Variants in TBC1D32 observed in about 807,000 individuals in gnomAD.
The protein encoded by TBC1D32 is protein broad-minded.
In TBC1D32, 151 loss-of-function variants were observed where a neutral mutation model predicts 170.3. The observed-to-expected ratio is 0.89, with a 90% CI of 0.78 to 1.01. TBC1D32 has a LOEUF of 1.01. Among genes scored for constraint, TBC1D32 ranks in the 50% least tolerant of loss-of-function variants. The pLI, the probability that TBC1D32 is intolerant of heterozygous loss-of-function variation, is 0.00. For synonymous variants in TBC1D32, 498 were observed against 488.0 expected, an observed-to-expected ratio of 1.02 and a Z score of -0.27; for missense variants, 1,464 against 1,457.1, an observed-to-expected ratio of 1.00 and a Z score of -0.08.
chr6:121,276,605 T>C (rs529869497), intron 15 of TBC1D32, among the ~76,000 whole-genome samples: 1 of 152,176 alleles, frequency 6.6e-6, no homozygotes, highest in East Asian at 1.9e-4. Flanking sequence ...TAAAAGACTA[T>C]CAAAGTAGAT....
At chr6:121,243,757 A>C (rs1437356221) in intron 17 of TBC1D32, among the ~76,000 whole-genome samples, 1 of 152,014 alleles carries the variant, frequency 6.6e-6, no homozygotes, top group Non-Finnish European at 1.5e-5. Flanking sequence ...TATATATAAA[A>C]GTCAACAAAA....
At chr6:121,319,546 A>G (rs769245963) in intron 2 of TBC1D32, among the ~76,000 whole-genome samples, 18 of 152,204 alleles carry the variant, frequency 1.2e-4, no homozygotes, top group Admixed American at 2.0e-4. Context: ...TGTGAACAAC[A>G]TAAAGTCCCT....
At chr6:121,329,132 T>C (rs558934270) in intron 1 of TBC1D32, among the ~76,000 whole-genome samples, 3 of 152,310 alleles carry the variant, frequency 2.0e-5, no homozygotes, top group Non-Finnish European at 2.9e-5. Flanking sequence ...ATTGAAAAAC[T>C]TTACCAAATT....
At chr6:121,084,867 C>A (rs1483647822) in intron 31 of TBC1D32, among the ~76,000 whole-genome samples, 1 of 152,090 alleles carries the variant, frequency 6.6e-6, no homozygotes, top group East Asian at 1.9e-4. Flanking sequence ...CTGATATATT[C>A]TTTCCCAAAT....
At chr6:121,087,982 G>A (rs1053927179) in intron 31 of TBC1D32, among the ~76,000 whole-genome samples, 1 of 145,712 alleles carries the variant, frequency 6.9e-6, no homozygotes, top group Admixed American at 6.9e-5. Context: ...ACAGGGTCTT[G>A]TTCTGTAGCC....
At chr6:121,133,422 T>C (rs1255086896) in intron 24 of TBC1D32, among the ~76,000 whole-genome samples, 2 of 152,010 alleles carry the variant, frequency 1.3e-5, no homozygotes, top group Non-Finnish European at 2.9e-5. Flanking sequence ...CCTCATGAAA[T>C]GCACATGTCA....
At chr6:121,144,973 T>C (rs1046510521) in intron 24 of TBC1D32, among the ~76,000 whole-genome samples, 14 of 152,324 alleles carry the variant, frequency 9.2e-5, no homozygotes, top group Non-Finnish European at 1.5e-4. Flanking sequence ...GTTTGAGTGA[T>C]ACTGCTAGGT....
chr6:121,331,362 C>T (rs1302765162), intron 1 of TBC1D32, among the ~76,000 whole-genome samples: 1 of 136,288 alleles, frequency 7.3e-6, no homozygotes, highest in East Asian at 2.3e-4. Flanking sequence ...GCACCCACTA[C>T]CATGCCCGGC....
chr6:121,265,357 C>T lies in TBC1D32; in HGVS notation c.1734-9072G>A, dbSNP rs140783846. ...ACCTAGGAATACAGCTAACAAGGGA[C>T]GTGAAGGAACTCTTCAAAGTGAACT... On this transcript the variant is annotated intron_variant, in intron 15 of 31. Transcript: ENST00000398212. Among the ~76,000 whole-genome samples, 1,350 of 152,060 alleles carry T rather than the reference C, an allele frequency of 8.9e-3. 24 individuals are homozygous for T. Among genetic ancestry groups the T allele is most frequent in the African/African-American group, 0.031 (1,276 of 41,502 alleles).
intron 30 of TBC1D32, 148 bp downstream of exon 30, chr6:121,105,875 A>C: frequency 1.1e-5 from 9 of 795,246 alleles, no homozygotes; most frequent in East Asian, 2.9e-5. Context: ...AACTTACATC[A>C]TAACAGGCCT....
intron 22 of TBC1D32, among the ~76,000 whole-genome samples, chr6:121,189,544 CTAAT>C (rs201234381): frequency 0.014 from 2,173 of 151,552 alleles, 14 homozygotes; most frequent in Middle Eastern, 0.035. Context: ...TGTAAATACA[CTAAT>C]TAAGGGCTTC....
chr6:121,323,652 G>A (rs552804045), intron 1 of TBC1D32, among the ~76,000 whole-genome samples: 2 of 152,132 alleles, frequency 1.3e-5, no homozygotes, highest in South Asian at 2.1e-4. Flanking sequence ...ATGAGAAAGC[G>A]ATAAACTGGC....
At chr6:121,102,932 C>G (rs1460475410) in intron 30 of TBC1D32, among the ~76,000 whole-genome samples, 4 of 152,086 alleles carry the variant, frequency 2.6e-5, no homozygotes, top group African/African-American at 9.7e-5. Flanking sequence ...AGGATATGAA[C>G]AGACACTTCT....
chr6:121,134,596 T>C (rs182051890), intron 24 of TBC1D32, among the ~76,000 whole-genome samples: 257 of 152,260 alleles, frequency 1.7e-3, no homozygotes, highest in African/African-American at 6.0e-3. Flanking sequence ...GACAGCTTTG[T>C]ACCCTGCATT....
chr6:121,310,436 T>A (rs1003065023), intron 4 of TBC1D32, among the ~76,000 whole-genome samples: 1 of 152,014 alleles, frequency 6.6e-6, no homozygotes, highest in African/African-American at 2.4e-5. Context: ...AAAAAAAGAA[T>A]TAAAAATCTT....
At chr6:121,092,298 T>G (rs868827794) in intron 30 of TBC1D32, among the ~76,000 whole-genome samples, 67 of 79,370 alleles carry the variant, frequency 8.4e-4, no homozygotes, top group African/African-American at 6.6e-3. Context: ...TTTATGTTTT[T>G]TTTTTTTTTT....
intron 30 of TBC1D32, 66 bp from the exon 31 acceptor site, chr6:121,091,107 C>A: frequency 7.6e-7 from 1 of 1,314,600 alleles, no homozygotes; most frequent in Non-Finnish European, 1.0e-6. Context: ...TTTTAAAAAA[C>A]ATTAACCAAT....
intron 31 of TBC1D32, among the ~76,000 whole-genome samples, chr6:121,088,964 T>C (rs2128173621): frequency 6.6e-6 from 1 of 152,306 alleles, no homozygotes; most frequent in Non-Finnish European, 1.5e-5. Flanking sequence ...GCAAACTCTA[T>C]TATAATTTTT....
At chr6:121,101,357 A>T (rs1222514302) in intron 30 of TBC1D32, among the ~76,000 whole-genome samples, 3 of 152,174 alleles carry the variant, frequency 2.0e-5, no homozygotes, top group African/African-American at 7.2e-5. Flanking sequence ...TGGCAAACCA[A>T]ATCCAGTAGC....
Sources: allele counts gnomAD v4.1 joint callset (sites outside exome capture counted in the v4.1 genomes callset), GRCh38; gene constraint gnomAD v4.1.1; transcripts MANE v1.5; gene names NCBI Gene and HGNC (gene_info 2026-07-23, HGNC 2026-07-21).